The following ATP9A variants were observed in gnomAD, a reference collection of about 807,000 sequenced individuals.
ATP9A encodes the protein probable phospholipid-transporting ATPase IIA.
ATP9A carries 52 observed loss-of-function variants against 144.1 expected under a neutral mutation model. That is an observed-to-expected ratio of 0.36 (90% CI 0.29 to 0.45). The LOEUF (loss-of-function observed/expected upper bound fraction) is 0.45, where lower values mean the gene tolerates loss of function less well. ATP9A is among the 20% of genes least tolerant of loss of function. The pLI is 1.00. For synonymous variants in ATP9A, 582 were observed against 557.4 expected (o/e 1.04, Z -0.62); for missense variants, 947 against 1,392.7 (o/e 0.68, Z 5.09).
At chr20:51,602,122 G>T (rs528419428) in intron 27 of ATP9A, among the ~76,000 whole-genome samples, 1 of 152,150 alleles carries the variant, frequency 6.6e-6, no homozygotes, top group South Asian at 2.1e-4. Flanking sequence ...AGACCCCCTT[G>T]TCAGAGAAAG....
chr20:51,648,831 CA>C (rs897124718), intron 14 of ATP9A, among the ~76,000 whole-genome samples: 1 of 151,884 alleles, frequency 6.6e-6, no homozygotes, highest in African/African-American at 2.4e-5. Context: ...GATCCTACCT[CA>C]AAAAAATAAG....
chr20:51,745,348 T>C (rs1472431635), intron 1 of ATP9A, among the ~76,000 whole-genome samples: 12 of 150,220 alleles, frequency 8.0e-5, no homozygotes, highest in Non-Finnish European at 1.6e-4. Context: ...GGCAGGAGAA[T>C]CGCTTGAACC....
chr20:51,696,172 T>G, intron 5 of ATP9A, 28 bp from the exon 6 acceptor site: 5 of 1,609,154 alleles, frequency 3.1e-6, no homozygotes, highest in Non-Finnish European at 4.3e-6. Flanking sequence ...AGACTGTTAC[T>G]GTGAATGAAT....
intron 11 of ATP9A, 100 bp downstream of exon 11, chr20:51,674,053 A>G (rs2077467057): frequency 2.2e-6 from 3 of 1,391,252 alleles, no homozygotes; most frequent in South Asian, 1.5e-5. Flanking sequence ...TCCATCTCAG[A>G]AAACAATAAT....
intron 4 of ATP9A, among the ~76,000 whole-genome samples, chr20:51,712,568 T>C (rs2077644238): frequency 6.6e-6 from 1 of 152,200 alleles, no homozygotes; most frequent in African/African-American, 2.4e-5. Context: ...GTAGCAACAG[T>C]TTAATCACTG....
At chr20:51,755,536 C>A (rs2122911084) in intron 1 of ATP9A, among the ~76,000 whole-genome samples, 1 of 152,220 alleles carries the variant, frequency 6.6e-6, no homozygotes, top group Non-Finnish European at 1.5e-5. Context: ...GGACATGGAA[C>A]AACTGACCAG....
intron 14 of ATP9A, among the ~76,000 whole-genome samples, chr20:51,640,098 C>A (rs1270893183): frequency 5.9e-5 from 9 of 151,902 alleles, no homozygotes; most frequent in Non-Finnish European, 4.4e-5. Flanking sequence ...CCCCACCCCA[C>A]ACCACCCCCA....
At chr20:51,751,252 GT>G (rs1160458034) in intron 1 of ATP9A, among the ~76,000 whole-genome samples, 1 of 131,938 alleles carries the variant, frequency 7.6e-6, no homozygotes, top group African/African-American at 2.8e-5. Context: ...ACGTTTCTGG[GT>G]TTTTTTTGTT....
At chr20:51,618,892 G>A (rs2077214546) in intron 20 of ATP9A, 62 bp downstream of exon 20, 8 of 1,598,656 alleles carry the variant, frequency 5.0e-6, no homozygotes, top group East Asian at 2.2e-5. Context: ...CAGTGCCCCT[G>A]CCGAAGCCGG....
intron 27 of ATP9A, 81 bp from the exon 28 acceptor site, chr20:51,601,428 C>T (rs2077142640): frequency 1.8e-5 from 25 of 1,388,810 alleles, no homozygotes; most frequent in Non-Finnish European, 2.2e-5. Flanking sequence ...GGCGTCACAA[C>T]TATCAAAGGG....
At chr20:51,676,564 T>C (rs1484984407) in intron 9 of ATP9A, among the ~76,000 whole-genome samples, 2 of 152,172 alleles carry the variant, frequency 1.3e-5, no homozygotes, top group Non-Finnish European at 2.9e-5. Context: ...CTGCAACCTC[T>C]ACCTCCTGGG....
At chr20:51,741,040 T>TAATTAAAAATAAATTTTAATTAATA (rs1336374930) in intron 1 of ATP9A, among the ~76,000 whole-genome samples, 1 of 151,742 alleles carries the variant, frequency 6.6e-6, no homozygotes, top group African/African-American at 2.4e-5. Context: ...TTAATTTAAT[T>TAATTAAAAATAAATTTTAATTAATA]AATTAAAAAT....
chr20:51,757,741 T>C lies in ATP9A; in HGVS notation c.68+10561A>G, dbSNP rs371765359. ...GCAACATGGAGAAACCCCATCTCTATAAAAAAATACAAAAATTAGCCAGGT... is the reference window on the plus strand; with the variant it reads ...GCAACATGGAGAAACCCCATCTCTACAAAAAAATACAAAAATTAGCCAGGT... On this transcript the variant is annotated intron_variant, in intron 1 of 27. Coordinates refer to ENST00000338821, the MANE Select transcript of ATP9A (RefSeq NM_006045.3). Among the ~76,000 whole-genome samples, 5 of 151,818 alleles carry C rather than the reference T, an allele frequency of 3.3e-5. No homozygotes were observed. In the East Asian group the frequency reaches 7.7e-4, roughly 23 times the overall value.
At chr20:51,712,922 G>A (rs772302319) in intron 4 of ATP9A, 44 bp downstream of exon 4, 26 of 1,524,670 alleles carry the variant, frequency 1.7e-5, no homozygotes, top group East Asian at 9.5e-5. Flanking sequence ...TCAGCGGCCC[G>A]TGATTGAGCT....
At chr20:51,735,493 T>G (rs2077759394) in intron 1 of ATP9A, among the ~76,000 whole-genome samples, 1 of 152,228 alleles carries the variant, frequency 6.6e-6, no homozygotes, top group South Asian at 2.1e-4. Context: ...GCAGCTAAAT[T>G]CATAAGAGTA....
At chr20:51,613,161 C>T (rs1568784982) in intron 23 of ATP9A, among the ~76,000 whole-genome samples, 1 of 152,158 alleles carries the variant, frequency 6.6e-6, no homozygotes, top group Non-Finnish European at 1.5e-5. Flanking sequence ...AGCCTGATGC[C>T]TAAGGTACAG....
rs566482602 is a variant in ATP9A at position 51,748,895 on chromosome 20, C to T, written c.69-18917G>A. 3.7e-5 allele frequency among the ~76,000 whole-genome samples: 5 copies of T among 136,834 alleles called. No homozygotes were observed. The East Asian group carries it at 8.3e-4, about 23-fold the overall frequency. 89.8% of individuals were successfully genotyped at this position (136,834 alleles called of 152,430 possible). A position where few individuals can be genotyped will look rare whatever the true frequency, so the allele number is the denominator to read the frequency against. The stretch of plus-strand genomic sequence containing the variant: ...AGATCAAGACCAGCCTGGGTGACAG[C>T]GCCTCTAAAGATTAGATAGATAGAT... On this transcript the variant is annotated intron_variant, in intron 1 of 27. Transcript: ENST00000338821.
chr20:51,654,222 A>G (rs2077378317), intron 14 of ATP9A, among the ~76,000 whole-genome samples: 1 of 152,100 alleles, frequency 6.6e-6, no homozygotes, highest in Non-Finnish European at 1.5e-5. Flanking sequence ...TTATAGCTTG[A>G]GCTATTCCAC....
At chr20:51,690,103 C>CT in intron 8 of ATP9A, among the ~76,000 whole-genome samples, 1 of 100,704 alleles carries the variant, frequency 9.9e-6, no homozygotes. Context: ...CAGAAGGAGA[C>CT]CGTCTCAAAA....
Sources: allele counts gnomAD v4.1 joint callset (sites outside exome capture counted in the v4.1 genomes callset), GRCh38; gene constraint gnomAD v4.1.1; transcripts MANE v1.5; gene names NCBI Gene and HGNC (gene_info 2026-07-23, HGNC 2026-07-21).